Variants in TRPM6 observed in about 807,000 individuals in gnomAD.
TRPM6 encodes transient receptor potential cation channel subfamily M member 6.
A neutral mutation model predicts 247.6 loss-of-function variants in TRPM6; 111 were observed. That is an observed-to-expected ratio of 0.45 (90% CI 0.38 to 0.52). The LOEUF (loss-of-function observed/expected upper bound fraction) is 0.52. Ranked by LOEUF, TRPM6 falls within the 20% of genes least tolerant of loss-of-function variation. The pLI, the probability that TRPM6 is intolerant of heterozygous loss-of-function variation, is 0.00. For synonymous variants in TRPM6, 892 were observed against 853.8 expected, an observed-to-expected ratio of 1.04 and a Z score of -0.78; for missense variants, 2,126 against 2,421.5, an observed-to-expected ratio of 0.88 and a Z score of 2.56.
chr9:74,817,590 C>T (rs1041877809), intron 9 of TRPM6, among the ~76,000 whole-genome samples: 6 of 152,156 alleles, frequency 3.9e-5, no homozygotes, highest in Admixed American at 3.3e-4. Flanking sequence ...GCAACACAGA[C>T]GGTCTTTGAC....
chr9:74,742,171 T>C (rs1289699466), intron 33 of TRPM6, among the ~76,000 whole-genome samples: 4 of 152,198 alleles, frequency 2.6e-5, no homozygotes, highest in African/African-American at 7.2e-5. Context: ...CAAAAAACAA[T>C]ACACAAAGCA....
At chr9:74,860,143 T>G (rs1564054800) in intron 1 of TRPM6, among the ~76,000 whole-genome samples, 1 of 152,184 alleles carries the variant, frequency 6.6e-6, no homozygotes, top group Non-Finnish European at 1.5e-5. Context: ...TGGGTTCCTG[T>G]GTATTTAAAT....
chr9:74,760,941 T>TG (rs1235006700), intron 27 of TRPM6, among the ~76,000 whole-genome samples: 1 of 152,202 alleles, frequency 6.6e-6, no homozygotes, highest in African/African-American at 2.4e-5. Flanking sequence ...CCTTGCCATG[T>TG]GATGCCCTGT....
intron 3 of TRPM6, among the ~76,000 whole-genome samples, chr9:74,846,455 C>A (rs1477934613): frequency 2.0e-5 from 3 of 152,126 alleles, no homozygotes; most frequent in Non-Finnish European, 4.4e-5. Context: ...CTGGTATGAA[C>A]TTCAGTGACA....
chr9:74,873,944 G>C (rs1831108480), intron 1 of TRPM6, among the ~76,000 whole-genome samples: 1 of 151,912 alleles, frequency 6.6e-6, no homozygotes, highest in Admixed American at 6.6e-5. Flanking sequence ...AATAGAATTA[G>C]GGCAGTCCAG....
chr9:74,766,409 G>T (rs1247747966), intron 25 of TRPM6, among the ~76,000 whole-genome samples: 1 of 152,212 alleles, frequency 6.6e-6, no homozygotes. Flanking sequence ...AGAAAGATGA[G>T]AATGGTAATT....
intron 7 of TRPM6, among the ~76,000 whole-genome samples, chr9:74,825,689 G>A (rs563854795): frequency 3.5e-4 from 53 of 152,110 alleles, no homozygotes; most frequent in Middle Eastern, 3.4e-3. Context: ...ACTAAAATGG[G>A]CAATCAGCAG....
intron 38 of TRPM6, among the ~76,000 whole-genome samples, chr9:74,725,842 C>A (rs1327164406): frequency 6.6e-6 from 1 of 152,160 alleles, no homozygotes; most frequent in Non-Finnish European, 1.5e-5. Flanking sequence ...ACATATACTA[C>A]CTAATTCAAT....
At chr9:74,747,371 G>A (rs1363809442) in intron 31 of TRPM6, among the ~76,000 whole-genome samples, 1 of 152,204 alleles carries the variant, frequency 6.6e-6, no homozygotes, top group East Asian at 1.9e-4. Context: ...CACAGAAGAT[G>A]AAGGTGCCTT....
rs140246278 is a variant in TRPM6 at position 74,822,115 on chromosome 9, A to G, written c.842-278T>C. On this transcript the variant is annotated intron_variant, in intron 7 of 38. Coordinates refer to ENST00000360774, the MANE Select transcript of TRPM6 (RefSeq NM_017662.5). The stretch of plus-strand genomic sequence containing the variant: ...CAAAAAAATAAGTATTGCTTAAGAA[A>G]TAAGTATTCCATTACGGGAAACTCC... Among the ~76,000 whole-genome samples, 16 of 152,368 alleles carry G rather than the reference A, an allele frequency of 1.1e-4. No homozygotes were observed. In the East Asian group the frequency reaches 2.3e-3, roughly 22 times the overall value.
chr9:74,780,065 G>A (rs1034666703), intron 23 of TRPM6, among the ~76,000 whole-genome samples: 22 of 151,946 alleles, frequency 1.4e-4, no homozygotes, highest in African/African-American at 4.1e-4. Context: ...CCAGCTACTC[G>A]GGAGGCTGAG....
At chr9:74,848,778 G>A (rs533014014) in intron 3 of TRPM6, among the ~76,000 whole-genome samples, 3 of 152,206 alleles carry the variant, frequency 2.0e-5, no homozygotes, top group East Asian at 1.9e-4. Flanking sequence ...CATGGACTAC[G>A]TAAGGTGCAG....
At chr9:74,829,108 C>T (rs1399757317) in intron 6 of TRPM6, among the ~76,000 whole-genome samples, 1 of 152,038 alleles carries the variant, frequency 6.6e-6, no homozygotes, top group Non-Finnish European at 1.5e-5. Flanking sequence ...GCCTGGCCAA[C>T]ATGGTAAAAC....
At chr9:74,731,370 C>T (rs1329257797) in intron 37 of TRPM6, among the ~76,000 whole-genome samples, 2 of 152,004 alleles carry the variant, frequency 1.3e-5, no homozygotes, top group Non-Finnish European at 2.9e-5. Flanking sequence ...ATATTCTTAG[C>T]TAAAAACACT....
chr9:74,881,675 T>C (rs992238122), intron 1 of TRPM6, among the ~76,000 whole-genome samples: 1 of 152,150 alleles, frequency 6.6e-6, no homozygotes, highest in Non-Finnish European at 1.5e-5. Context: ...ATAGACTATA[T>C]GGTAAAACAC....
At chr9:74,737,982 G>A (rs1825747473) in intron 36 of TRPM6, among the ~76,000 whole-genome samples, 1 of 152,120 alleles carries the variant, frequency 6.6e-6, no homozygotes, top group Admixed American at 6.5e-5. Flanking sequence ...GTTGTAACAA[G>A]GGACACAGCA....
Sources: gnomAD v4.1 joint callset for allele counts (sites outside exome capture counted in the v4.1 genomes callset) on GRCh38, gnomAD v4.1.1 for gene constraint, MANE v1.5 for transcripts, NCBI Gene and HGNC (gene_info 2026-07-23, HGNC 2026-07-21) for gene names.